The following PLXDC2 variants were observed in gnomAD, a reference collection of about 807,000 sequenced individuals.
The protein encoded by PLXDC2 is plexin domain containing 2, also known as plexin domain-containing protein 2.
In PLXDC2, 40 loss-of-function variants were observed where a neutral mutation model predicts 68.9. The ratio of observed to expected loss-of-function variants is 0.58; its 90% confidence interval spans 0.45 to 0.76. The LOEUF is 0.76. Among genes scored for constraint, PLXDC2 ranks in the 30% least tolerant of loss-of-function variants. PLXDC2 has a pLI of 0.00. For synonymous variants in PLXDC2, 243 were observed against 234.2 expected, an observed-to-expected ratio of 1.04 and a Z score of -0.34; for missense variants, 644 against 661.9, an observed-to-expected ratio of 0.97 and a Z score of 0.30.
At chr10:20,231,225 C>G (rs1354923418) in intron 12 of PLXDC2, among the ~76,000 whole-genome samples, 2 of 149,844 alleles carry the variant, frequency 1.3e-5, no homozygotes, top group Admixed American at 1.3e-4. Flanking sequence ...AAATGCAAAT[C>G]AAACTTCTAA....
At chr10:19,822,554 TTC>T (rs1307341196) in intron 1 of PLXDC2, among the ~76,000 whole-genome samples, 1 of 152,196 alleles carries the variant, frequency 6.6e-6, no homozygotes, top group Non-Finnish European at 1.5e-5. Flanking sequence ...CTTCATATTG[TTC>T]TTTTTATGGC....
chr10:20,074,755 A>G (rs1029556897), intron 4 of PLXDC2, among the ~76,000 whole-genome samples: 1 of 152,170 alleles, frequency 6.6e-6, no homozygotes, highest in Non-Finnish European at 1.5e-5. Flanking sequence ...ATGATGATTG[A>G]TTTGTAAATA....
rs954843101 is a variant in PLXDC2, at chr10:20,285,381, C to T, written c.*5562C>T. The T allele has an allele frequency of 6.6e-6, 1 of 152,134 alleles. No individual in the cohort carries two copies. Among genetic ancestry groups the T allele is most frequent in the Non-Finnish European group, 1.5e-5 (1 of 68,022 alleles). 9.4% of individuals were successfully genotyped at this position (152,134 alleles called of 1,614,324 possible). On this transcript the variant is annotated 3_prime_UTR_variant, in exon 14 of 14. Transcript: ENST00000377252. ...ACTTGTGATATACAGTAGTGAGAGT[C>T]CAGGCATGTAACCGATCATTATAAT... is the stretch of plus-strand genomic sequence containing the variant.
chr10:19,990,690 A>T (rs1346708419), intron 1 of PLXDC2, among the ~76,000 whole-genome samples: 1 of 152,104 alleles, frequency 6.6e-6, no homozygotes, highest in Non-Finnish European at 1.5e-5. Flanking sequence ...TTTTAATGTA[A>T]TTTTGTTGAT....
chr10:20,099,886 G>T lies in PLXDC2; in HGVS notation c.541+31647G>T, dbSNP rs144362577. 7.4e-3 allele frequency among the ~76,000 whole-genome samples: 1,130 copies of T among 152,178 alleles called. 9 individuals carry two copies. The highest frequency in any genetic ancestry group is 0.026 in the African/African-American group (1,081 of 41,514). On this transcript the variant is annotated intron_variant, in intron 4 of 13. Transcript: ENST00000377252. ...TTAAAAAAATCAAAATACCTTTTGT[G>T]CAAAAGTAATACTGCACGGTTACGA... is the stretch of plus-strand genomic sequence containing the variant.
chr10:20,151,813 C>G (rs1051616184), intron 6 of PLXDC2, among the ~76,000 whole-genome samples: 1 of 152,010 alleles, frequency 6.6e-6, no homozygotes, highest in Non-Finnish European at 1.5e-5. Flanking sequence ...CCAAATTATA[C>G]ATAGGGAAGT....
intron 9 of PLXDC2, among the ~76,000 whole-genome samples, chr10:20,201,052 G>A (rs760737460): frequency 5.3e-5 from 8 of 152,022 alleles, no homozygotes; most frequent in Non-Finnish European, 1.2e-4. Context: ...AGGGAAATCA[G>A]TATATTAAAG....
chr10:20,044,374 G>A (rs941041457), intron 2 of PLXDC2, among the ~76,000 whole-genome samples: 3 of 148,894 alleles, frequency 2.0e-5, no homozygotes, highest in South Asian at 2.1e-4. Context: ...GTAACAGCAC[G>A]ATCTAGGCTC....
intron 12 of PLXDC2, among the ~76,000 whole-genome samples, chr10:20,224,612 T>A (rs927129115): frequency 7.2e-5 from 11 of 152,150 alleles, no homozygotes; most frequent in African/African-American, 2.7e-4. Flanking sequence ...GATTTTTAAT[T>A]GAAAACTAAA....
At chr10:20,237,870 AG>A (rs1214169622) in intron 12 of PLXDC2, among the ~76,000 whole-genome samples, 2 of 152,210 alleles carry the variant, frequency 1.3e-5, no homozygotes, top group Non-Finnish European at 2.9e-5. Flanking sequence ...TTTTAAGCCC[AG>A]GAGAAGAGTT....
chr10:20,086,380 C>T (rs1203047991), intron 4 of PLXDC2, among the ~76,000 whole-genome samples: 1 of 150,218 alleles, frequency 6.7e-6, no homozygotes. Context: ...TTTGTAGAGA[C>T]TGGGTCTCCC....
At chr10:19,873,892 A>G (rs1037449228) in intron 1 of PLXDC2, among the ~76,000 whole-genome samples, 1 of 152,192 alleles carries the variant, frequency 6.6e-6, no homozygotes, top group African/African-American at 2.4e-5. Flanking sequence ...CTGGGAACCA[A>G]TTTTTTAGTT....
chr10:20,007,420 G>A (rs1053925314), intron 2 of PLXDC2, among the ~76,000 whole-genome samples: 1 of 152,176 alleles, frequency 6.6e-6, no homozygotes, highest in Non-Finnish European at 1.5e-5. Context: ...CAGATATGTG[G>A]TTTTGAACAC....
intron 4 of PLXDC2, among the ~76,000 whole-genome samples, chr10:20,130,431 C>T (rs944110808): frequency 2.0e-5 from 3 of 152,000 alleles, no homozygotes; most frequent in African/African-American, 4.8e-5. Context: ...GTATATAGAG[C>T]ATTATGTCAT....
chr10:19,908,817 G>A (rs1377121897), intron 1 of PLXDC2, among the ~76,000 whole-genome samples: 1 of 152,052 alleles, frequency 6.6e-6, no homozygotes, highest in Non-Finnish European at 1.5e-5. Context: ...GTATTTCCAG[G>A]GAAGGGAGTT....
At chr10:20,242,519 C>T (rs1835530403) in intron 12 of PLXDC2, among the ~76,000 whole-genome samples, 1 of 152,098 alleles carries the variant, frequency 6.6e-6, no homozygotes, top group African/African-American at 2.4e-5. Context: ...TTATTATAGC[C>T]TCATTTGATT....
intron 9 of PLXDC2, among the ~76,000 whole-genome samples, chr10:20,184,542 G>A (rs1834654026): frequency 6.6e-6 from 1 of 151,582 alleles, no homozygotes; most frequent in African/African-American, 2.4e-5. Flanking sequence ...ATTAATTAAG[G>A]GTTAAAATAA....
At chr10:19,887,894 T>C (rs932510839) in intron 1 of PLXDC2, among the ~76,000 whole-genome samples, 3 of 152,196 alleles carry the variant, frequency 2.0e-5, no homozygotes, top group Non-Finnish European at 2.9e-5. Context: ...TGTAAGTCAC[T>C]TACAAATGAC....
intron 1 of PLXDC2, among the ~76,000 whole-genome samples, chr10:19,883,478 C>T (rs533255538): frequency 6.6e-6 from 1 of 152,094 alleles, no homozygotes; most frequent in African/African-American, 2.4e-5. Flanking sequence ...ATCATTCTCT[C>T]TCTATTTTAT....
Sources: gnomAD v4.1 joint callset for allele counts (sites outside exome capture counted in the v4.1 genomes callset) on GRCh38, gnomAD v4.1.1 for gene constraint, MANE v1.5 for transcripts, NCBI Gene and HGNC (gene_info 2026-07-23, HGNC 2026-07-21) for gene names.